The following SPATA1 variants were observed in gnomAD, a reference collection of about 807,000 sequenced individuals.
The protein encoded by SPATA1 is spermatogenesis associated 1.
SPATA1 carries 57 observed loss-of-function variants against 59.6 expected under a neutral mutation model. The ratio of observed to expected loss-of-function variants is 0.96; its 90% CI spans 0.77 to 1.19. The LOEUF (loss-of-function observed/expected upper bound fraction) is 1.19, where lower values mean the gene tolerates loss of function less well. SPATA1 is among the 50% of genes most tolerant of loss of function. SPATA1 has a pLI of 0.00. For missense variants in SPATA1, 448 were observed against 480.7 expected (o/e 0.93, Z 0.64); for synonymous variants, 147 against 163.9 (o/e 0.90, Z 0.79).
At chr1:84,521,127 GAGAAAGAGGGAAAA>G (rs996636227) in intron 3 of SPATA1, among the ~76,000 whole-genome samples, 4 of 141,922 alleles carry the variant, frequency 2.8e-5, no homozygotes, top group African/African-American at 1.0e-4. Flanking sequence ...AAAAGAGAGA[GAGAAAGAGGGAAAA>G]AGAAAGAGGG....
chr1:84,561,828 G>A (rs556713367), intron 4 of SPATA1, among the ~76,000 whole-genome samples: 1 of 152,246 alleles, frequency 6.6e-6, no homozygotes, highest in East Asian at 1.9e-4. Context: ...TTAAATTAAG[G>A]TATGTACTTT....
chr1:84,529,576 C>CTTTTTTTTT (rs761561650), intron 6 of SPATA1, among the ~76,000 whole-genome samples: 15 of 91,364 alleles, frequency 1.6e-4, no homozygotes, highest in Non-Finnish European at 2.2e-4. Flanking sequence ...GGTAATATGC[C>CTTTTTTTTT]TTTTTTTTTT....
chr1:84,560,408 G>C (rs945093158), intron 4 of SPATA1, among the ~76,000 whole-genome samples: 6 of 152,266 alleles, frequency 3.9e-5, no homozygotes, highest in African/African-American at 1.4e-4. Context: ...CAGTCTGTTT[G>C]CATTAGCTCA....
intron 1 of SPATA1, among the ~76,000 whole-genome samples, chr1:84,510,420 C>T (rs1361594708): frequency 2.6e-5 from 4 of 152,124 alleles, no homozygotes; most frequent in Non-Finnish European, 4.4e-5. Flanking sequence ...TCAACATCAC[C>T]GATCATCAGG....
At chr1:84,528,283 A>T (rs1683316066) in intron 6 of SPATA1, among the ~76,000 whole-genome samples, 2 of 152,170 alleles carry the variant, frequency 1.3e-5, no homozygotes, top group East Asian at 3.8e-4. Context: ...TGTCTTCTTG[A>T]TAAACTGACC....
At chr1:84,565,117 T>C (rs1294877981) in intron 4 of SPATA1, among the ~76,000 whole-genome samples, 1 of 151,948 alleles carries the variant, frequency 6.6e-6, no homozygotes, top group Admixed American at 6.6e-5. Context: ...AGGCTAAGGC[T>C]GAGCTTGTGA....
chr1:84,507,331 T>A (rs1682310017), intron 1 of SPATA1: 1 of 152,226 alleles, frequency 6.6e-6, no homozygotes, highest in South Asian at 2.1e-4. Flanking sequence ...ACAGTTTATA[T>A]CAGTTCGCAA....
chr1:84,527,874 GT>G (rs1335894473), intron 6 of SPATA1, among the ~76,000 whole-genome samples: 1 of 152,064 alleles, frequency 6.6e-6, no homozygotes, highest in East Asian at 1.9e-4. Flanking sequence ...GGGACTACAG[GT>G]GCACACCACC....
At chr1:84,557,820 T>G (rs1280638725), downstream of SPATA1, among the ~76,000 whole-genome samples, 25 of 148,400 alleles carry the variant, frequency 1.7e-4, no homozygotes, top group African/African-American at 6.2e-4. Context: ...ATCGCGCCAC[T>G]GCACACCAGC....
intron 8 of SPATA1, among the ~76,000 whole-genome samples, chr1:84,541,394 G>A (rs1683895237): frequency 6.6e-6 from 1 of 151,462 alleles, no homozygotes; most frequent in South Asian, 2.1e-4. Context: ...CTTTCATTCT[G>A]ATCCATTTTA....
chr1:84,520,543 C>A, intron 2 of SPATA1, 42 bp from the exon 3 acceptor site: 2 of 1,211,436 alleles, frequency 1.7e-6, no homozygotes, highest in Non-Finnish European at 2.2e-6. Context: ...TTTTTTTTCA[C>A]TTTAAAAATA....
At chr1:84,543,314 T>C (rs1351163486) in intron 8 of SPATA1, among the ~76,000 whole-genome samples, 1 of 152,100 alleles carries the variant, frequency 6.6e-6, no homozygotes, top group Non-Finnish European at 1.5e-5. Flanking sequence ...AGGTAATTCA[T>C]CAAAAAGGGT....
At position 84,540,296 on chromosome 1, in the gene SPATA1, GT is replaced by G. The variant is rs574729578; in HGVS notation, c.718-3899del. Among the ~76,000 whole-genome samples the G allele has an allele frequency of 3.3e-5, 5 of 151,060 alleles. No homozygotes were observed. The East Asian group carries it at 5.8e-4, about 18-fold the overall frequency. On this transcript the variant is annotated intron_variant, in intron 8 of 12. Transcript: ENST00000490879. ...TGTGTGTCTTCTACTATTTATTTGG[GT>G]TTTTTTCGTCTTGGTATTTAGAAAG... is the stretch of plus-strand genomic sequence containing the variant.
Position 84,526,088 on chromosome 1 carries a change from G to C in SPATA1, c.544+15G>C. On this transcript the variant is annotated intron_variant, in intron 6 of 12. Coordinates refer to ENST00000490879, the Ensembl canonical transcript of SPATA1. ...TCAGGAAGAAGGTGATTTTAAACTG[G>C]AATGGGAAAAAGAAAGAGGCTATTA... 1 of 1,586,534 alleles carries C rather than the reference G, an allele frequency of 6.3e-7. No individual in the cohort carries two copies. Among genetic ancestry groups the C allele is most frequent in the Non-Finnish European group, 8.6e-7 (1 of 1,164,150 alleles).
At chr1:84,547,162 T>A (rs1684116978) in intron 10 of SPATA1, among the ~76,000 whole-genome samples, 1 of 152,206 alleles carries the variant, frequency 6.6e-6, no homozygotes. Flanking sequence ...GTCAGCCTTG[T>A]TGTAATGTTA....
chr1:84,538,467 G>A (rs1683788898), intron 8 of SPATA1, among the ~76,000 whole-genome samples: 1 of 152,138 alleles, frequency 6.6e-6, no homozygotes, highest in South Asian at 2.1e-4. Flanking sequence ...GATACCTTAG[G>A]TAAGACATAT....
intron 12 of SPATA1, chr1:84,552,904 G>A: frequency 1.6e-6 from 1 of 620,496 alleles, no homozygotes; most frequent in Non-Finnish European, 2.8e-6. Flanking sequence ...TCCAGTGGGA[G>A]TTGAAAGCAC....
intron 10 of SPATA1, among the ~76,000 whole-genome samples, chr1:84,547,985 TA>T (rs1200611663): frequency 6.6e-6 from 1 of 152,134 alleles, no homozygotes; most frequent in Non-Finnish European, 1.5e-5. Flanking sequence ...GACTTCTTGG[TA>T]AAAGATGACA....
downstream of SPATA1, among the ~76,000 whole-genome samples, chr1:84,559,070 G>A (rs922132675): frequency 9.9e-5 from 15 of 152,070 alleles, no homozygotes; most frequent in Non-Finnish European, 2.1e-4. Flanking sequence ...ATTGTACTTT[G>A]CTTTATTGTG....
Sources: allele counts gnomAD v4.1 joint callset (sites outside exome capture counted in the v4.1 genomes callset), GRCh38; gene constraint gnomAD v4.1.1; transcripts MANE v1.5; gene names NCBI Gene and HGNC (gene_info 2026-07-23, HGNC 2026-07-21).